Variants in SLC26A9 observed in about 807,000 individuals in gnomAD.
The protein encoded by SLC26A9 is anion transporter/exchanger protein 9.
Under a neutral mutation model 87.1 loss-of-function variants are expected in SLC26A9, and 46 were observed. The ratio of observed to expected loss-of-function variants is 0.53; its 90% CI spans 0.42 to 0.67. The LOEUF is 0.67. SLC26A9 is among the 30% of genes least tolerant of loss of function. The pLI is 0.00. For missense variants in SLC26A9, 927 were observed against 1,018.3 expected, an observed-to-expected ratio of 0.91 and a Z score of 1.22; for synonymous variants, 437 against 409.1, an observed-to-expected ratio of 1.07 and a Z score of -0.82.
chr1:205,943,208 A>AAG (rs988911168), intron 1 of SLC26A9, among the ~76,000 whole-genome samples, 157 bp downstream of exon 1: 6 of 151,386 alleles, frequency 4.0e-5, no homozygotes, highest in African/African-American at 1.2e-4. Context: ...AAGGGCTGGG[A>AAG]GGCTGCTCTC....
At chr1:205,928,374 T>C (rs1172053305) in intron 8 of SLC26A9, 2 of 404,016 alleles carry the variant, frequency 5.0e-6, no homozygotes, top group East Asian at 9.2e-5. Context: ...TTTGGTGCTA[T>C]GTGGTCTTCC....
Position 205,943,077 on chromosome 1 carries a change from C to T in SLC26A9, c.-19+288G>A, listed in dbSNP as rs373924194. ...TCCTTTCCCTCGGAGGCCTTTGCCT[C>T]GCTCTGTTTCGGGGTCTGGCGACCA... On this transcript the variant is annotated intron_variant, in intron 1 of 20. Coordinates refer to ENST00000367135, the MANE Select transcript of SLC26A9 (RefSeq NM_052934.4). Among the ~76,000 whole-genome samples the T allele has an allele frequency of 3.1e-4, 47 of 152,360 alleles. 2 individuals carry two copies. Among genetic ancestry groups the T allele is most frequent in the Admixed American group, 1.6e-3 (25 of 15,300 alleles).
rs1326942662 is a variant in SLC26A9 at position 205,935,829 on chromosome 1, C to T, written c.-9G>A. 6 of 1,611,768 alleles carry T rather than the reference C, an allele frequency of 3.7e-6. No individual in the cohort carries two copies. In the South Asian group the frequency reaches 4.4e-5, roughly 12 times the overall value. On this transcript the variant is annotated 5_prime_UTR_variant, in exon 2 of 21. It removes an upstream start codon present in the reference 5' UTR. Coordinates refer to ENST00000367135, the MANE Select transcript of SLC26A9 (RefSeq NM_052934.4). ...GGCCTGGGCTGGCTCATATCTGGGGCATTTACAAGCTTTGGGAGAAGCAGA... is the reference window on the plus strand; with the variant it reads ...GGCCTGGGCTGGCTCATATCTGGGGTATTTACAAGCTTTGGGAGAAGCAGA...
Position 205,921,584 on chromosome 1 carries a change from G to GCC in SLC26A9, c.2035_2036dup (p.Ile680AlafsTer8). 6.2e-7 allele frequency: 1 copy of GCC among 1,609,946 alleles called. No homozygotes were observed. Among genetic ancestry groups the GCC allele is most frequent in the Non-Finnish European group, 8.5e-7 (1 of 1,179,424 alleles). ...GCCTCACCTTGGCCAGGGCCTTGAT[G>GCC]CCCATCAAGTCCACGAAGCTGACTC... On this transcript the variant is annotated frameshift_variant, in exon 17 of 21. Transcript: ENST00000367135. LOFTEE classifies it high-confidence loss of function.
chr1:205,915,194 G>T lies in SLC26A9; in HGVS notation c.*163C>A. The T allele has an allele frequency of 4.3e-6, 7 of 1,610,288 alleles. No homozygotes were observed. Among genetic ancestry groups the T allele is most frequent in the Non-Finnish European group, 5.9e-6 (7 of 1,177,430 alleles). The stretch of plus-strand genomic sequence containing the variant: ...GCTGAGAGGCTCTCTCTGGAGATGC[G>T]GGGAGGGAAGGAAGGGAGGAGAGAG... On this transcript the variant is annotated 3_prime_UTR_variant, in exon 21 of 21. Coordinates refer to ENST00000367135, the MANE Select transcript of SLC26A9 (RefSeq NM_052934.4).
chr1:205,917,844 T>A (rs764000107), intron 19 of SLC26A9, among the ~76,000 whole-genome samples: 1 of 152,178 alleles, frequency 6.6e-6, no homozygotes, highest in Non-Finnish European at 1.5e-5. Flanking sequence ...ACTAATCAAG[T>A]ATACATACCA....
In SLC26A9 at chr1:205,923,392, G is replaced by C; in HGVS notation, c.1602C>G (p.Tyr534Ter). 1 of 1,614,220 alleles carries C rather than the reference G, an allele frequency of 6.2e-7. No individual in the cohort carries two copies. Among genetic ancestry groups the C allele is most frequent in the Non-Finnish European group, 8.5e-7 (1 of 1,180,030 alleles). ...QDIQGIKIIT[Y>*]CSPLYFANSE... ...AGTTGGCAAAGTAGAGAGGGGAGCA[G>C]TACGTGATGATTTTAATCCCCTGGA... The change falls in exon 15 of 21, where the codon TAC (tyrosine) becomes TAG (stop). Residue 534 changes from tyrosine (Y) to a stop codon, truncating the protein, a stop_gained. Coordinates refer to ENST00000367135, the MANE Select transcript of SLC26A9 (RefSeq NM_052934.4). LOFTEE classifies it high-confidence loss of function.
intron 2 of SLC26A9, 150 bp from the exon 3 acceptor site, chr1:205,933,234 G>A (rs1444523541): frequency 5.7e-6 from 7 of 1,218,942 alleles, no homozygotes; most frequent in Admixed American, 2.5e-5. Flanking sequence ...AGAAAAGGCA[G>A]GAACTTTTTC....
At chr1:205,935,488 G>T in intron 2 of SLC26A9, 2 of 605,898 alleles carry the variant, frequency 3.3e-6, no homozygotes, top group Non-Finnish European at 5.4e-6. Context: ...AACCCTTCTG[G>T]ATGGTTCTTG....
At chr1:205,938,212 A>G (rs9438442) in intron 1 of SLC26A9, among the ~76,000 whole-genome samples, 6,471 of 134,396 alleles carry the variant, frequency 0.048, 347 homozygotes, top group African/African-American at 0.14. Context: ...CTCAGCCTCC[A>G]TATTCAGTTG....
At chr1:205,932,883 G>A in intron 3 of SLC26A9, 62 bp downstream of exon 3, 1 of 1,607,296 alleles carries the variant, frequency 6.2e-7, no homozygotes. Flanking sequence ...GATGGAGTGG[G>A]GATGAGGAGA....
intron 4 of SLC26A9, among the ~76,000 whole-genome samples, chr1:205,932,439 T>C (rs915555255): frequency 1.3e-5 from 2 of 152,170 alleles, no homozygotes; most frequent in African/African-American, 2.4e-5. Context: ...TTATAGCATA[T>C]GGTATATCTT....
At position 205,932,958 on chromosome 1, in the gene SLC26A9, G is replaced by A. The variant is rs534798197; in HGVS notation, c.252C>T (p.Ile84=). Residue 84 remains isoleucine, a synonymous_variant, in exon 3 of 21, where the codon ATC becomes ATT. Transcript: ENST00000367135. ...GAGCCCCTTCACCTTGTGGGACCTG[G>A]ATGGATCCCCCGCTGAGTCCACCGA... ...DLLGGLSGGS[I]QVPQGMAFAL... The A allele has an allele frequency of 4.3e-5, 70 of 1,614,064 alleles. No homozygotes were observed. The South Asian group carries it at 7.5e-4, about 17-fold the overall frequency.
At chr1:205,941,521 CA>C (rs1167856011) in intron 1 of SLC26A9, among the ~76,000 whole-genome samples, 1 of 152,040 alleles carries the variant, frequency 6.6e-6, no homozygotes, top group Non-Finnish European at 1.5e-5. Context: ...CCTGTGTTTC[CA>C]GGGCAAATCT....
intron 20 of SLC26A9, 117 bp downstream of exon 20, chr1:205,917,166 T>A: frequency 1.2e-6 from 1 of 831,308 alleles, no homozygotes; most frequent in African/African-American, 1.7e-5. Context: ...TGGCCTTGAA[T>A]GTGACTGCTC....
intron 18 of SLC26A9, among the ~76,000 whole-genome samples, chr1:205,919,733 T>G (rs1658743472): frequency 6.6e-6 from 1 of 152,164 alleles, no homozygotes; most frequent in Non-Finnish European, 1.5e-5. Flanking sequence ...AAACTGCATA[T>G]TTATATGTTC....
intron 11 of SLC26A9, 31 bp from the exon 12 acceptor site, chr1:205,926,661 C>T (rs1659080474): frequency 6.3e-7 from 1 of 1,594,894 alleles, no homozygotes; most frequent in Non-Finnish European, 8.6e-7. Context: ...TCCAGGACCC[C>T]AGGGTCTCCC....
Position 205,929,096 on chromosome 1 carries a change from T to C in SLC26A9, c.870+108A>G, listed in dbSNP as rs991304505. ...GGGATGGGATGGATTCACAACTGAC[T>C]TCCTGTCCCACTGGCTGCCAGTTGA... On this transcript the variant is annotated intron_variant, in intron 7 of 20. Transcript: ENST00000367135. The C allele has an allele frequency of 7.9e-6, 12 of 1,523,018 alleles. No homozygotes were observed. In the African/African-American group the frequency reaches 1.5e-4, roughly 19 times the overall value. 94.3% of individuals were successfully genotyped at this position (1,523,018 alleles called of 1,614,324 possible). A position where few individuals can be genotyped will look rare whatever the true frequency, so the allele number is the denominator to read the frequency against.
In SLC26A9 at chr1:205,931,945, T is replaced by C; in HGVS notation, c.467A>G (p.Asn156Ser). Residue 156 changes from asparagine to serine, a missense_variant, in exon 5 of 21, where the codon AAT (asparagine) becomes AGT (serine). Asn to Ser is a conservative substitution (Grantham distance 46). Transcript: ENST00000367135. ...SKFQVFNNAT[N>S]ESYVDTAAME... is the part of the protein sequence containing the mutation. ...GGCTGCTGTGTCCACATAGCTCTCA[T>C]TGGTGGCATTGTTGAAGACCTGGAA... 1 of 1,614,230 alleles carries C rather than the reference T, an allele frequency of 6.2e-7. No individual in the cohort carries two copies. The highest frequency in any genetic ancestry group is 1.1e-5 in the South Asian group (1 of 91,082).
Sources: gnomAD v4.1 joint callset for allele counts (sites outside exome capture counted in the v4.1 genomes callset) on GRCh38, gnomAD v4.1.1 for gene constraint, MANE v1.5 for transcripts, NCBI Gene and HGNC (gene_info 2026-07-23, HGNC 2026-07-21) for gene names.